MYO16: variants seen among roughly 807,000 people sequenced by gnomAD.
The protein encoded by MYO16 is unconventional myosin-XVI.
A neutral mutation model predicts 205.3 loss-of-function variants in MYO16; 94 were observed. The ratio of observed to expected loss-of-function variants is 0.46; its 90% confidence interval spans 0.39 to 0.54. The LOEUF is 0.54. Among genes scored for constraint, MYO16 ranks in the 20% least tolerant of loss-of-function variants. MYO16 has a pLI of 0.00. For missense variants in MYO16, 2,315 were observed against 2,387.5 expected (o/e 0.97, Z 0.63); for synonymous variants, 988 against 954.0 (o/e 1.04, Z -0.66).
At chr13:108,585,366 C>T in the MYO16 span, among the ~76,000 whole-genome samples, 147 of 152,272 alleles carry the variant, frequency 9.7e-4, no homozygotes, top group African/African-American at 3.2e-3. Flanking sequence ...TTCTGGTTGA[C>T]ATTGATTGGG....
At chr13:109,036,021 T>C (rs138057436) in intron 23 of MYO16, among the ~76,000 whole-genome samples, 192 of 152,350 alleles carry the variant, frequency 1.3e-3, no homozygotes, top group African/African-American at 4.2e-3. Context: ...ACTAAAATTA[T>C]TAGCCACATA....
intron 2 of MYO16, among the ~76,000 whole-genome samples, chr13:108,707,478 C>T (rs1450979609): frequency 6.6e-6 from 1 of 152,118 alleles, no homozygotes; most frequent in African/African-American, 2.4e-5. Context: ...ATTGCCCAGA[C>T]TCAGTCTTTG....
intron 22 of MYO16, among the ~76,000 whole-genome samples, chr13:109,014,512 G>A (rs1398456139): frequency 6.6e-6 from 1 of 152,136 alleles, no homozygotes; most frequent in African/African-American, 2.4e-5. Context: ...GAAAGTCATT[G>A]GTAGCTTGAT....
At chr13:108,833,723 A>G (rs1339114824) in intron 9 of MYO16, among the ~76,000 whole-genome samples, 16 of 152,190 alleles carry the variant, frequency 1.1e-4, no homozygotes, top group Non-Finnish European at 1.5e-5. Flanking sequence ...TCTCTGCATG[A>G]AGTTACTTTG....
intron 19 of MYO16, among the ~76,000 whole-genome samples, chr13:108,964,341 G>A (rs1356594469): frequency 6.6e-6 from 1 of 152,126 alleles, no homozygotes; most frequent in African/African-American, 2.4e-5. Flanking sequence ...CCACATTCTT[G>A]TTGATGAGAT....
intron 34 of MYO16, among the ~76,000 whole-genome samples, chr13:109,180,856 C>T (rs1879422101): frequency 6.6e-6 from 1 of 152,230 alleles, no homozygotes; most frequent in Non-Finnish European, 1.5e-5. Flanking sequence ...GATGCTTCCT[C>T]TGAGATCATG....
intron 16 of MYO16, among the ~76,000 whole-genome samples, chr13:108,929,804 A>T (rs1445671916): frequency 6.6e-6 from 1 of 152,208 alleles, no homozygotes; most frequent in Non-Finnish European, 1.5e-5. Flanking sequence ...ATTAAAAAAA[A>T]ATGTACTTAG....
At chr13:108,544,165 T>C in the MYO16 span, among the ~76,000 whole-genome samples, 1 of 151,952 alleles carries the variant, frequency 6.6e-6, no homozygotes, top group Non-Finnish European at 1.5e-5. Flanking sequence ...TTTTAAGCTC[T>C]CATGTATTAA....
intron 7 of MYO16, among the ~76,000 whole-genome samples, chr13:108,810,582 T>G (rs1221363185): frequency 6.6e-6 from 1 of 152,224 alleles, no homozygotes; most frequent in African/African-American, 2.4e-5. Context: ...CTCAAAAAGA[T>G]GTCATTTAGT....
chr13:108,840,998 C>T (rs368169600), intron 9 of MYO16, among the ~76,000 whole-genome samples: 3 of 152,164 alleles, frequency 2.0e-5, no homozygotes, highest in African/African-American at 4.8e-5. Context: ...GAATGCAATG[C>T]TAATCAAAAT....
At chr13:108,559,453 T>A in the MYO16 span, among the ~76,000 whole-genome samples, 1 of 150,634 alleles carries the variant, frequency 6.6e-6, no homozygotes, top group East Asian at 2.0e-4. Context: ...GTGCTTTTCT[T>A]TTTTTCTTTT....
chr13:108,874,770 T>C (rs942452223), intron 12 of MYO16, among the ~76,000 whole-genome samples: 3 of 151,324 alleles, frequency 2.0e-5, no homozygotes, highest in Non-Finnish European at 4.4e-5. Flanking sequence ...ACACATACTT[T>C]CTCAAAACAT....
intron 1 of MYO16, among the ~76,000 whole-genome samples, chr13:108,600,155 T>A (rs912218837): frequency 1.3e-5 from 2 of 152,180 alleles, no homozygotes; most frequent in Non-Finnish European, 2.9e-5. Context: ...ATGCAAAACT[T>A]TTGCCAACAC....
the MYO16 span, among the ~76,000 whole-genome samples, chr13:108,579,487 T>C: frequency 4.1e-5 from 6 of 147,888 alleles, no homozygotes; most frequent in African/African-American, 1.5e-4. Context: ...GTCACCCAGA[T>C]TAGAGTGCAG....
intron 2 of MYO16, among the ~76,000 whole-genome samples, chr13:108,706,527 GT>G (rs1883516203): frequency 6.6e-6 from 1 of 152,156 alleles, no homozygotes; most frequent in South Asian, 2.1e-4. Flanking sequence ...CTTCTAATAT[GT>G]AATTGTGATC....
At chr13:108,896,320 T>C (rs1171367380) in intron 14 of MYO16, among the ~76,000 whole-genome samples, 1 of 152,182 alleles carries the variant, frequency 6.6e-6, no homozygotes, top group Non-Finnish European at 1.5e-5. Context: ...AACTACATAT[T>C]TCATATTAGA....
At chr13:108,778,048 A>C (rs2138900106) in intron 4 of MYO16, among the ~76,000 whole-genome samples, 1 of 152,244 alleles carries the variant, frequency 6.6e-6, no homozygotes, top group Non-Finnish European at 1.5e-5. Flanking sequence ...ATAAATGTAA[A>C]ATCTTTCAGT....
At chr13:108,779,262 G>T (rs889212633) in intron 4 of MYO16, among the ~76,000 whole-genome samples, 1 of 152,138 alleles carries the variant, frequency 6.6e-6, no homozygotes, top group Non-Finnish European at 1.5e-5. Flanking sequence ...TTCTTGAAAG[G>T]TGTCTTGTTA....
intron 21 of MYO16, among the ~76,000 whole-genome samples, chr13:108,994,963 C>T (rs1040872567): frequency 6.6e-6 from 1 of 152,132 alleles, no homozygotes; most frequent in Non-Finnish European, 1.5e-5. Context: ...TCAGCATCTC[C>T]AACCTCAGTC....
Sources: allele counts gnomAD v4.1 joint callset (sites outside exome capture counted in the v4.1 genomes callset), GRCh38; gene constraint gnomAD v4.1.1; transcripts MANE v1.5; gene names NCBI Gene and HGNC (gene_info 2026-07-23, HGNC 2026-07-21).